Variants in DIP2C observed in about 807,000 individuals in gnomAD.
The protein encoded by DIP2C is DIP2 acetate--CoA ligase C (putative), also known as disco-interacting protein 2 homolog C.
Under a neutral mutation model 192.4 loss-of-function variants are expected in DIP2C, and 33 were observed. That is an observed-to-expected ratio of 0.17 (90% CI 0.13 to 0.23). The LOEUF (loss-of-function observed/expected upper bound fraction) is 0.23. Among genes scored for constraint, DIP2C ranks in the 10% least tolerant of loss-of-function variants. DIP2C has a pLI of 1.00. For synonymous variants in DIP2C, 979 were observed against 864.1 expected (o/e 1.13, Z -2.33); for missense variants, 1,537 against 2,110.1 (o/e 0.73, Z 5.32).
intron 1 of DIP2C, among the ~76,000 whole-genome samples, chr10:568,642 T>C (rs1041787309): frequency 2.4e-4 from 36 of 151,596 alleles, no homozygotes; most frequent in Non-Finnish European, 1.0e-4. Context: ...GGCACGCGCC[T>C]GTAGTCCCAG....
chr10:290,366 C>T (rs796077402), intron 32 of DIP2C, among the ~76,000 whole-genome samples: 46 of 152,340 alleles, frequency 3.0e-4, no homozygotes, highest in African/African-American at 1.1e-3. Context: ...CTTTTAGGAG[C>T]CTGGTAGCAT....
intron 1 of DIP2C, among the ~76,000 whole-genome samples, chr10:670,159 T>C (rs918687763): frequency 6.6e-6 from 1 of 152,068 alleles, no homozygotes; most frequent in Admixed American, 6.5e-5. Flanking sequence ...CATATGCACG[T>C]GCGCACATGC....
At chr10:357,281 G>A (rs373799105) in intron 23 of DIP2C, among the ~76,000 whole-genome samples, 1 of 152,170 alleles carries the variant, frequency 6.6e-6, no homozygotes, top group African/African-American at 2.4e-5. Context: ...GGCTTCTAAC[G>A]CCACTGTTAG....
At chr10:300,520 G>C (rs938412225) in intron 32 of DIP2C, among the ~76,000 whole-genome samples, 2 of 152,300 alleles carry the variant, frequency 1.3e-5, no homozygotes, top group Middle Eastern at 6.8e-3. Context: ...ATTTAATGAG[G>C]ACAATATTAA....
In DIP2C at chr10:563,717, T is replaced by A. The variant is rs189445986; in HGVS notation, c.86-77187A>T. Among the ~76,000 whole-genome samples the A allele has an allele frequency of 2.0e-5, 3 of 152,378 alleles. No homozygotes were observed. The East Asian group carries it at 5.8e-4, about 29-fold the overall frequency. On this transcript the variant is annotated intron_variant, in intron 1 of 36. Coordinates refer to ENST00000280886, the MANE Select transcript of DIP2C (RefSeq NM_014974.3). ...TGCATTTGATTACAGCAGCCAAAGATGCGTCCAGAGGAAGAGAGACTTTTA... is the reference window on the plus strand; with the variant it reads ...TGCATTTGATTACAGCAGCCAAAGAAGCGTCCAGAGGAAGAGAGACTTTTA...
At chr10:493,527 G>C (rs565104345) in intron 1 of DIP2C, among the ~76,000 whole-genome samples, 2 of 151,968 alleles carry the variant, frequency 1.3e-5, no homozygotes, top group Admixed American at 6.6e-5. Flanking sequence ...AGAAGCTGAC[G>C]TGTAGAAGAA....
chr10:317,515 C>T (rs1956826247), intron 31 of DIP2C, among the ~76,000 whole-genome samples: 1 of 152,218 alleles, frequency 6.6e-6, no homozygotes, highest in Admixed American at 6.5e-5. Flanking sequence ...CCAGACGTGA[C>T]ACGGCACGGC....
intron 1 of DIP2C, among the ~76,000 whole-genome samples, chr10:551,454 A>G (rs1848582981): frequency 6.6e-6 from 1 of 152,184 alleles, no homozygotes; most frequent in Non-Finnish European, 1.5e-5. Context: ...CTGGCCCCCG[A>G]GGCCAATAAC....
intron 1 of DIP2C, among the ~76,000 whole-genome samples, chr10:500,659 G>T (rs558030209): frequency 1.3e-5 from 2 of 152,308 alleles, no homozygotes; most frequent in African/African-American, 4.8e-5. Context: ...CTGGATAAAA[G>T]ATTTAAAAAG....
intron 2 of DIP2C, among the ~76,000 whole-genome samples, chr10:477,731 G>A (rs1440215064): frequency 1.5e-5 from 2 of 130,590 alleles, no homozygotes; most frequent in African/African-American, 5.4e-5. Flanking sequence ...GAAAGAGAAG[G>A]AAAGAAAGAA....
chr10:379,860 A>AGAG (rs1419425405), intron 17 of DIP2C, among the ~76,000 whole-genome samples: 5 of 151,994 alleles, frequency 3.3e-5, no homozygotes, highest in African/African-American at 1.2e-4. Flanking sequence ...AACACGCAGA[A>AGAG]GAGGCTGTCC....
chr10:579,553 A>G, intron 1 of DIP2C, among the ~76,000 whole-genome samples: 1 of 152,150 alleles, frequency 6.6e-6, no homozygotes, highest in East Asian at 1.9e-4. Flanking sequence ...AAGTGTACAT[A>G]CATAGGTACA....
At position 403,997 on chromosome 10, in the gene DIP2C, G is replaced by A. The variant is rs1589715866; in HGVS notation, c.1150-4778C>T. On this transcript the variant is annotated intron_variant, in intron 9 of 36. Coordinates refer to ENST00000280886, the MANE Select transcript of DIP2C (RefSeq NM_014974.3). The stretch of plus-strand genomic sequence containing the variant: ...GTTTGGTATGTGTTCCTCAGCACAT[G>A]AATCCTATGATTTTACATGTGTGGT... 1.7e-5 allele frequency among the ~76,000 whole-genome samples: 2 copies of A among 119,092 alleles called. 1 individual carries two copies. 78.1% of individuals were successfully genotyped at this position (119,092 alleles called of 152,430 possible).
At chr10:430,567 ATTT>A (rs1331014668) in intron 4 of DIP2C, 4 of 152,212 alleles carry the variant, frequency 2.6e-5, no homozygotes, top group Non-Finnish European at 4.4e-5. Flanking sequence ...TTCCTTGTAT[ATTT>A]CAAATAAAAG....
chr10:292,005 C>T (rs1955518374), intron 32 of DIP2C, among the ~76,000 whole-genome samples: 2 of 152,224 alleles, frequency 1.3e-5, no homozygotes, highest in African/African-American at 4.8e-5. Flanking sequence ...ACCAAAAGGA[C>T]CAAGTCATGC....
intron 33 of DIP2C, 52 bp downstream of exon 33, chr10:288,312 C>T (rs1403978019): frequency 1.3e-6 from 2 of 1,526,896 alleles, no homozygotes; most frequent in Non-Finnish European, 1.8e-6. Flanking sequence ...AAAGCCCATA[C>T]AGTCAGAAGC....
At chr10:288,125 C>A (rs1315106224) in intron 33 of DIP2C, among the ~76,000 whole-genome samples, 2 of 152,184 alleles carry the variant, frequency 1.3e-5, no homozygotes, top group Admixed American at 6.5e-5. Flanking sequence ...GCTGAAGGCA[C>A]CAGGGCCTCT....
At chr10:277,638 G>A (rs1423926462) in intron 36 of DIP2C, 61 bp from the exon 37 acceptor site, 8 of 1,581,650 alleles carry the variant, frequency 5.1e-6, no homozygotes, top group Admixed American at 1.7e-5. Flanking sequence ...TAATAGCCGT[G>A]GTTTCAAAGT....
chr10:531,920 A>T (rs558077185), intron 1 of DIP2C, among the ~76,000 whole-genome samples: 265 of 152,368 alleles, frequency 1.7e-3, no homozygotes, highest in Non-Finnish European at 2.5e-3. Context: ...AATTTTTAAA[A>T]TAAGTTTTAA....
Sources: allele counts gnomAD v4.1 joint callset (sites outside exome capture counted in the v4.1 genomes callset), GRCh38; gene constraint gnomAD v4.1.1; transcripts MANE v1.5; gene names NCBI Gene and HGNC (gene_info 2026-07-23, HGNC 2026-07-21).